Variants in CACNA2D2 observed in about 807,000 individuals in gnomAD.
CACNA2D2 encodes calcium voltage-gated channel auxiliary subunit alpha2delta 2.
A neutral mutation model predicts 166.4 loss-of-function variants in CACNA2D2; 48 were observed. That is an observed-to-expected ratio of 0.29 (90% CI 0.23 to 0.37). The LOEUF (loss-of-function observed/expected upper bound fraction) is 0.37, where lower values mean the gene tolerates loss of function less well. Among genes scored for constraint, CACNA2D2 ranks in the 10% least tolerant of loss-of-function variants. The pLI is 1.00. For synonymous variants in CACNA2D2, 561 were observed against 573.7 expected (o/e 0.98, Z 0.32); for missense variants, 1,122 against 1,433.0 (o/e 0.78, Z 3.50).
Position 50,375,519 on chromosome 3 carries a change from T to C in CACNA2D2, c.1907+125A>G, listed in dbSNP as rs587773630. 112 of 958,178 alleles carry C rather than the reference T, an allele frequency of 1.2e-4. No individual in the cohort carries two copies. The African/African-American group carries it at 1.5e-3, about 12-fold the overall frequency. 59.4% of individuals were successfully genotyped at this position (958,178 alleles called of 1,614,324 possible). A position where few individuals can be genotyped will look rare whatever the true frequency, so the allele number is the denominator to read the frequency against. On this transcript the variant is annotated intron_variant, in intron 21 of 37. Transcript: ENST00000424201. This position sits in a 1 kb window ranked among gnomAD's most constrained non-coding sequence, Gnocchi z 4.0. The stretch of plus-strand genomic sequence containing the variant: ...AGACTAAGCATCTCAGGGTGAGTAG[T>C]GAGCAGCCCTGGCCACTGGTGCCCC...
intron 3 of CACNA2D2, among the ~76,000 whole-genome samples, chr3:50,428,809 A>G (rs1056072266): frequency 6.6e-6 from 1 of 152,184 alleles, no homozygotes; most frequent in East Asian, 1.9e-4. Flanking sequence ...CCAGTGTCCC[A>G]TCTCCTATTC....
rs780385817 is a variant in CACNA2D2 at position 50,364,297 on chromosome 3, G to A, written c.*369C>T. ...TGGGCTTGGGTGGGGCAGAGAGGCC[G>A]GGTCAGCTGAGGCAGGGTCCCCCCC... On this transcript the variant is annotated 3_prime_UTR_variant, in exon 38 of 38. Coordinates refer to ENST00000424201, the MANE Select transcript of CACNA2D2 (RefSeq NM_006030.4). 4 of 257,776 alleles carry A rather than the reference G, an allele frequency of 1.6e-5. No individual in the cohort carries two copies. The highest frequency in any genetic ancestry group is 2.2e-5 in the Non-Finnish European group (3 of 135,246). 16.0% of individuals were successfully genotyped at this position (257,776 alleles called of 1,614,324 possible). A position where few individuals can be genotyped will look rare whatever the true frequency, so the allele number is the denominator to read the frequency against.
rs779319627 is a variant in CACNA2D2, at chr3:50,394,090, AGGGTGCTG to A, written c.465+11_465+18del. On this transcript the variant is annotated intron_variant, in intron 4 of 37. Transcript: ENST00000424201. Reference sequence around the variant, plus strand: ...GATGGGCATGCCCTAAGTGCTGGGCAGGGTGCTGGGGTTCCTACCTTGATGTTGTCCTG... The same window carrying A: ...GATGGGCATGCCCTAAGTGCTGGGCAGGGTTCCTACCTTGATGTTGTCCTG... The A allele has an allele frequency of 1.9e-6, 3 of 1,612,812 alleles. No individual in the cohort carries two copies. The African/African-American group carries it at 4.0e-5, about 22-fold the overall frequency.
At chr3:50,490,368 C>T (rs1378268619) in intron 1 of CACNA2D2, among the ~76,000 whole-genome samples, 5 of 152,170 alleles carry the variant, frequency 3.3e-5, no homozygotes, top group South Asian at 2.1e-4. Flanking sequence ...TCCCCTAAGG[C>T]CACAGTTCTG....
At chr3:50,445,914 A>T (rs1708823002) in intron 2 of CACNA2D2, among the ~76,000 whole-genome samples, 1 of 149,578 alleles carries the variant, frequency 6.7e-6, no homozygotes, top group Non-Finnish European at 1.5e-5. Flanking sequence ...CCCTTATTTC[A>T]CTTTTGGGGA....
At chr3:50,423,593 C>A (rs1314040732) in intron 3 of CACNA2D2, among the ~76,000 whole-genome samples, 1 of 152,228 alleles carries the variant, frequency 6.6e-6, no homozygotes, top group African/African-American at 2.4e-5. Context: ...AGGGGCTGGA[C>A]CCTAGGCATC....
At chr3:50,396,397 C>CA (rs1248808610) in intron 3 of CACNA2D2, among the ~76,000 whole-genome samples, 1 of 151,850 alleles carries the variant, frequency 6.6e-6, no homozygotes, top group African/African-American at 2.4e-5. Context: ...TCCCCTGTCC[C>CA]AAAACCCTTC....
intron 5 of CACNA2D2, among the ~76,000 whole-genome samples, chr3:50,386,543 G>C (rs587695823): frequency 6.6e-6 from 1 of 152,304 alleles, no homozygotes; most frequent in South Asian, 2.1e-4. Flanking sequence ...TCAGCCAAGG[G>C]GAAGCACACC....
At chr3:50,402,852 C>G (rs971688874) in intron 3 of CACNA2D2, among the ~76,000 whole-genome samples, 1 of 152,246 alleles carries the variant, frequency 6.6e-6, no homozygotes, top group Admixed American at 6.5e-5. Flanking sequence ...TTAGAAAAAA[C>G]CATGCAGATA....
At chr3:50,390,151 A>C (rs1705815434) in intron 4 of CACNA2D2, among the ~76,000 whole-genome samples, 1 of 152,132 alleles carries the variant, frequency 6.6e-6, no homozygotes. Flanking sequence ...GGACCTCAGC[A>C]AAGAGTCCTG....
chr3:50,390,294 G>T (rs963050260), intron 4 of CACNA2D2, among the ~76,000 whole-genome samples: 8 of 152,144 alleles, frequency 5.3e-5, no homozygotes, highest in African/African-American at 1.9e-4. Flanking sequence ...GGTCACCCGC[G>T]AGGAGGCAAG....
Position 50,378,389 on chromosome 3 carries a change from C to T in CACNA2D2, c.1340-56G>A. ...TGGCTGGCACTGCAGGATCCATGTG[C>T]AGAGGGCCCTGCCCCTGGGGTGTGT... On this transcript the variant is annotated intron_variant, in intron 13 of 37. Transcript: ENST00000424201. 2.6e-6 allele frequency: 4 copies of T among 1,511,870 alleles called. No individual in the cohort carries two copies. In the South Asian group the frequency reaches 4.8e-5, roughly 18 times the overall value. 93.7% of individuals were successfully genotyped at this position (1,511,870 alleles called of 1,614,324 possible).
At chr3:50,388,228 G>C (rs587668356) in intron 4 of CACNA2D2, among the ~76,000 whole-genome samples, 2 of 152,332 alleles carry the variant, frequency 1.3e-5, no homozygotes, top group Admixed American at 1.3e-4. Context: ...CCATCTGTGC[G>C]TCATAATCAC....
intron 3 of CACNA2D2, among the ~76,000 whole-genome samples, chr3:50,407,650 C>T (rs1420122165): frequency 5.9e-5 from 9 of 152,214 alleles, no homozygotes; most frequent in Admixed American, 5.9e-4. Context: ...CTGATAACCT[C>T]CTCCCTAACA....
intron 1 of CACNA2D2, among the ~76,000 whole-genome samples, chr3:50,486,447 G>C (rs1274130252): frequency 2.0e-4 from 30 of 151,672 alleles, no homozygotes; most frequent in Non-Finnish European, 7.4e-5. Context: ...ACAAATAGCT[G>C]TCCTCTGTAT....
chr3:50,420,551 T>C (rs1453367116), intron 3 of CACNA2D2, among the ~76,000 whole-genome samples: 3 of 152,188 alleles, frequency 2.0e-5, no homozygotes, highest in Non-Finnish European at 2.9e-5. Flanking sequence ...GCTGTATACA[T>C]ACCCTGTGCA....
chr3:50,387,433 T>G (rs1575613251), intron 5 of CACNA2D2, 135 bp downstream of exon 5: 1 of 754,604 alleles, frequency 1.3e-6, no homozygotes. Flanking sequence ...TTGTGGGAGG[T>G]GGAAGGTGGG....
intron 2 of CACNA2D2, among the ~76,000 whole-genome samples, chr3:50,465,783 G>T (rs927240944): frequency 6.6e-6 from 1 of 152,172 alleles, no homozygotes; most frequent in Non-Finnish European, 1.5e-5. Flanking sequence ...TCTAGGGGTT[G>T]TAAGTGGGAG....
chr3:50,448,905 A>G (rs1227615964), intron 2 of CACNA2D2, among the ~76,000 whole-genome samples: 1 of 152,156 alleles, frequency 6.6e-6, no homozygotes, highest in Non-Finnish European at 1.5e-5. Context: ...AGACAGTCTG[A>G]GGCACAGATT....
Sources: gnomAD v4.1 joint callset for allele counts (sites outside exome capture counted in the v4.1 genomes callset) on GRCh38, gnomAD v4.1.1 for gene constraint, Gnocchi (gnomAD v3.1) non-coding constraint, MANE v1.5 for transcripts, NCBI Gene and HGNC (gene_info 2026-07-23, HGNC 2026-07-21) for gene names.